The following RBFOX1 variants were observed in gnomAD, a reference collection of about 807,000 sequenced individuals.
The protein encoded by RBFOX1 is RNA binding fox-1 homolog 1.
In RBFOX1, 8 loss-of-function variants were observed where a neutral mutation model predicts 57.7. The ratio of observed to expected loss-of-function variants is 0.14; its 90% CI spans 0.08 to 0.25. The LOEUF is 0.25. Ranked by LOEUF, RBFOX1 falls within the 10% of genes least tolerant of loss-of-function variation. RBFOX1 has a pLI of 1.00. For synonymous variants in RBFOX1, 326 were observed against 222.4 expected (o/e 1.47, Z -4.15); for missense variants, 611 against 548.5 (o/e 1.11, Z -1.14).
chr16:6,778,723 TCTTCCTGAGTCTTTTGTGAA>T (rs1567203537), intron 3 of RBFOX1, among the ~76,000 whole-genome samples: 1 of 152,098 alleles, frequency 6.6e-6, no homozygotes, highest in Non-Finnish European at 1.5e-5. Context: ...AACTAGATTG[TCTTCCTGAGTCTTTTGTGAA>T]AAATATGATT....
At chr16:5,886,129 C>A (rs1271199853) in intron 4 of RBFOX1, among the ~76,000 whole-genome samples, 4 of 152,318 alleles carry the variant, frequency 2.6e-5, no homozygotes, top group East Asian at 1.9e-4. Context: ...GGCCTCCCAG[C>A]CCTGCTTCCT....
intron 3 of RBFOX1, among the ~76,000 whole-genome samples, chr16:5,796,287 G>A (rs1429993947): frequency 2.0e-5 from 3 of 152,224 alleles, no homozygotes; most frequent in African/African-American, 7.2e-5. Flanking sequence ...GAGCATGGAA[G>A]AAGGAAACAT....
At chr16:7,252,546 C>A (rs985168936) in intron 4 of RBFOX1, among the ~76,000 whole-genome samples, 5 of 152,296 alleles carry the variant, frequency 3.3e-5, no homozygotes, top group Middle Eastern at 3.4e-3. Flanking sequence ...GAAGATCTGA[C>A]AAAGCTTGTC....
chr16:7,192,001 G>T (rs971024485), intron 4 of RBFOX1, among the ~76,000 whole-genome samples: 1 of 152,176 alleles, frequency 6.6e-6, no homozygotes, highest in Non-Finnish European at 1.5e-5. Context: ...GGTGATTAAT[G>T]TTCAACATCG....
intron 1 of RBFOX1, among the ~76,000 whole-genome samples, chr16:6,275,744 A>G (rs67780538): frequency 0.16 from 24,207 of 152,228 alleles, 2,040 homozygotes; most frequent in South Asian, 0.19. Context: ...CATAAATGCC[A>G]TAGAAAATAT....
At chr16:6,863,543 G>T (rs982491987) in intron 3 of RBFOX1, among the ~76,000 whole-genome samples, 40 of 151,358 alleles carry the variant, frequency 2.6e-4, no homozygotes, top group Non-Finnish European at 7.4e-5. Flanking sequence ...TTATTTTCTG[G>T]TTACATAGAT....
intron 2 of RBFOX1, among the ~76,000 whole-genome samples, chr16:6,437,749 G>A (rs1454000194): frequency 6.6e-6 from 1 of 152,170 alleles, no homozygotes. Context: ...CATGGTGGCA[G>A]GAGAGAGAGT....
At chr16:7,686,363 C>T (rs950682715) in intron 14 of RBFOX1, among the ~76,000 whole-genome samples, 1 of 152,008 alleles carries the variant, frequency 6.6e-6, no homozygotes. Flanking sequence ...CCTTCTTTTT[C>T]AACCTGTGCC....
At chr16:6,717,565 A>C (rs573803015) in intron 3 of RBFOX1, among the ~76,000 whole-genome samples, 1 of 151,486 alleles carries the variant, frequency 6.6e-6, no homozygotes, top group African/African-American at 2.4e-5. Context: ...ATAGCCTGTG[A>C]GCCTGAGATG....
intron 2 of RBFOX1, among the ~76,000 whole-genome samples, chr16:6,499,835 C>T (rs2095865127): frequency 6.6e-6 from 1 of 152,134 alleles, no homozygotes; most frequent in South Asian, 2.1e-4. Flanking sequence ...GATACCTCCT[C>T]TTGTTGCTAA....
rs1270828330 is a variant in RBFOX1 at position 5,955,089 on chromosome 16, T to C, written c.351+87754T>C. 4.0e-4 allele frequency among the ~76,000 whole-genome samples: 45 copies of C among 112,224 alleles called. 1 individual carries two copies. Among genetic ancestry groups the C allele is most frequent in the African/African-American group, 1.4e-3 (39 of 28,406 alleles). 73.6% of individuals were successfully genotyped at this position (112,224 alleles called of 152,430 possible). ...TGAGGTCAGGAGTTCAAGACCAGCC[T>C]GGGCAACAGGGTGAAACTCCATCTC... On this transcript the variant is annotated intron_variant, in intron 4 of 19. Transcript: ENST00000641259.
At chr16:6,525,531 A>G (rs1312474721) in intron 2 of RBFOX1, among the ~76,000 whole-genome samples, 2 of 152,210 alleles carry the variant, frequency 1.3e-5, no homozygotes, top group African/African-American at 4.8e-5. Flanking sequence ...ACAAAACATC[A>G]CAGACTGGGT....
At chr16:6,249,787 T>A (rs1320831530) in intron 1 of RBFOX1, among the ~76,000 whole-genome samples, 1 of 151,190 alleles carries the variant, frequency 6.6e-6, no homozygotes, top group Middle Eastern at 3.4e-3. Flanking sequence ...TTTTTTTTTT[T>A]ATTATACTTT....
Position 6,142,118 on chromosome 16 carries a change from C to A in RBFOX1, c.-127+122126C>A, listed in dbSNP as rs550543650. Among the ~76,000 whole-genome samples the A allele has an allele frequency of 5.7e-5, 8 of 140,816 alleles. No homozygotes were observed. In the South Asian group the frequency reaches 1.1e-3, roughly 20 times the overall value. The allele number at this position is 140,816 out of a possible 152,430, so 92.4% of individuals were successfully genotyped here. ...CTTCTGGCCTGTCTTACTTCTCGAT[C>A]CCTGATTAATTTCTCTAAAAAATCA... On this transcript the variant is annotated intron_variant, in intron 1 of 15. Coordinates refer to ENST00000550418, the MANE Select transcript of RBFOX1 (RefSeq NM_018723.4).
intron 2 of RBFOX1, among the ~76,000 whole-genome samples, chr16:5,586,631 G>T (rs1158244891): frequency 2.2e-4 from 34 of 152,108 alleles, no homozygotes; most frequent in Admixed American, 2.2e-3. Context: ...TAAGTAGCTG[G>T]GGCTACAGGC....
chr16:7,613,421 T>C (rs2057900124), intron 10 of RBFOX1, among the ~76,000 whole-genome samples: 1 of 151,958 alleles, frequency 6.6e-6, no homozygotes, highest in South Asian at 2.1e-4. Flanking sequence ...ATAGAAGAGA[T>C]TCATGTGATC....
chr16:5,323,974 G>T (rs2064488052), intron 1 of RBFOX1, among the ~76,000 whole-genome samples: 3 of 152,222 alleles, frequency 2.0e-5, no homozygotes, highest in Non-Finnish European at 2.9e-5. Flanking sequence ...TATTACACGT[G>T]TATAGTGCTT....
chr16:5,935,798 A>T (rs774955308), intron 4 of RBFOX1, among the ~76,000 whole-genome samples: 16 of 152,194 alleles, frequency 1.1e-4, no homozygotes, highest in Non-Finnish European at 2.1e-4. Context: ...CTCCACATCC[A>T]ATGGCTAGTT....
chr16:7,510,314 T>C, intron 4 of RBFOX1: 2 of 985,762 alleles, frequency 2.0e-6, no homozygotes, highest in Non-Finnish European at 2.4e-6. Context: ...GTGCAGCAGG[T>C]ATTTTTGTTT....
Sources: gnomAD v4.1 joint callset for allele counts (sites outside exome capture counted in the v4.1 genomes callset) on GRCh38, gnomAD v4.1.1 for gene constraint, MANE v1.5 for transcripts, NCBI Gene and HGNC (gene_info 2026-07-23, HGNC 2026-07-21) for gene names.